Variants in COL5A1 observed in about 807,000 individuals in gnomAD.
The protein encoded by COL5A1 is collagen type V alpha 1 chain.
COL5A1 carries 16 observed loss-of-function variants against 263.7 expected under a neutral mutation model. That is an observed-to-expected ratio of 0.06 (90% confidence interval 0.04 to 0.09). The LOEUF (loss-of-function observed/expected upper bound fraction) is 0.09, where lower values mean the gene tolerates loss of function less well. COL5A1 is among the 10% of genes least tolerant of loss of function. The probability of loss-of-function intolerance (pLI) is 1.00; values close to 1 mark genes in which losing one functional copy is unlikely to be tolerated. For synonymous variants in COL5A1, 1,012 were observed against 1,004.5 expected (o/e 1.01, Z -0.14); for missense variants, 2,036 against 2,540.5 (o/e 0.80, Z 4.27).
Position 134,755,008 on chromosome 9 carries a change from C to A in COL5A1, c.1827+682C>A, listed in dbSNP as rs977844129. On this transcript the variant is annotated intron_variant, in intron 16 of 65. Coordinates refer to ENST00000371817, the MANE Select transcript of COL5A1 (RefSeq NM_000093.5). This position sits in a 1 kb window ranked among gnomAD's most constrained non-coding sequence, Gnocchi z 4.1. Reference sequence around the variant, plus strand: ...TGTTGTCTACCTAAGCTACCCTTGACTGCTATAGTCTGAGTCAACAAGGCA... The same window carrying A: ...TGTTGTCTACCTAAGCTACCCTTGAATGCTATAGTCTGAGTCAACAAGGCA... Among the ~76,000 whole-genome samples, 1 of 152,198 alleles carries A rather than the reference C, an allele frequency of 6.6e-6. No individual in the cohort carries two copies. Among genetic ancestry groups the A allele is most frequent in the Non-Finnish European group, 1.5e-5 (1 of 68,040 alleles).
At chr9:134,806,342 G>T (rs780906270) in intron 42 of COL5A1, 46 bp downstream of exon 42, 2 of 1,394,360 alleles carry the variant, frequency 1.4e-6, no homozygotes, top group African/African-American at 2.9e-5. Flanking sequence ...CAGAGATGCT[G>T]GGGTCGTTCC....
intron 1 of COL5A1, among the ~76,000 whole-genome samples, chr9:134,683,490 G>T (rs1272373068): frequency 2.0e-5 from 3 of 152,176 alleles, no homozygotes; most frequent in African/African-American, 7.2e-5. Context: ...GCATAAAGGT[G>T]GATACACCAG....
rs896611227 is a variant in COL5A1 at position 134,700,901 on chromosome 9, C to G, written c.492-270C>G. 2.0e-5 allele frequency among the ~76,000 whole-genome samples: 3 copies of G among 152,188 alleles called. No individual in the cohort carries two copies. In the East Asian group the frequency reaches 5.8e-4, roughly 29 times the overall value. ...GCCGAGTGCTGTGTGCTCCCCCTTC[C>G]CCCTTTCACTTGGGCTCCCGGCTGG... On this transcript the variant is annotated intron_variant, in intron 3 of 65. Transcript: ENST00000371817. The surrounding 1 kb of genome is among the most constrained non-coding windows in gnomAD (Gnocchi z 4.0).
At chr9:134,828,480 G>A (rs187039011) in intron 63 of COL5A1, among the ~76,000 whole-genome samples, 115 of 149,072 alleles carry the variant, frequency 7.7e-4, no homozygotes, top group African/African-American at 2.5e-3. Flanking sequence ...CACACCACAC[G>A]CACAGATACA....
Position 134,696,832 on chromosome 9 carries a change from A to T in COL5A1, c.278-3077A>T, listed in dbSNP as rs2132562821. On this transcript the variant is annotated intron_variant, in intron 2 of 65. Coordinates refer to ENST00000371817, the MANE Select transcript of COL5A1 (RefSeq NM_000093.5). This position sits in a 1 kb window ranked among gnomAD's most constrained non-coding sequence, Gnocchi z 4.3. ...ACACCTGTAATCCCAGCACTTTGGG[A>T]GGCCAAGGCAGGCGGATCACGAGGT... Among the ~76,000 whole-genome samples, 1 of 152,254 alleles carries T rather than the reference A, an allele frequency of 6.6e-6. No individual in the cohort carries two copies. The highest frequency in any genetic ancestry group is 2.1e-4 in the South Asian group (1 of 4,820).
chr9:134,762,125 G>A (rs1051789426), intron 19 of COL5A1, 147 bp downstream of exon 19: 2 of 809,738 alleles, frequency 2.5e-6, no homozygotes, highest in Non-Finnish European at 4.2e-6. Flanking sequence ...GGGGATTCCA[G>A]TGGGCAAAGC....
intron 39 of COL5A1, 59 bp downstream of exon 39, chr9:134,803,054 C>T: frequency 5.0e-6 from 7 of 1,410,422 alleles, no homozygotes; most frequent in Non-Finnish European, 6.9e-6. Context: ...CATTTTGGGA[C>T]TTTGTGTTTT....
At position 134,662,102 on chromosome 9, in the gene COL5A1, C is replaced by G. The variant is rs933865891; in HGVS notation, c.109+19806C>G. Among the ~76,000 whole-genome samples, 5 of 149,154 alleles carry G rather than the reference C, an allele frequency of 3.4e-5. No individual in the cohort carries two copies. In the Admixed American group the frequency reaches 3.4e-4, roughly 10 times the overall value. ...GAAATTACTGGGCTCTAAGTATGTG[C>G]CTTTCTCCATAAAATGTGATGCCTG... On this transcript the variant is annotated intron_variant, in intron 1 of 65. Coordinates refer to ENST00000371817, the MANE Select transcript of COL5A1 (RefSeq NM_000093.5).
chr9:134,687,672 G>T (rs1473492991), intron 1 of COL5A1, among the ~76,000 whole-genome samples: 1 of 152,214 alleles, frequency 6.6e-6, no homozygotes, highest in African/African-American at 2.4e-5. Flanking sequence ...TAGGCACCGG[G>T]CTGGGTGTGG....
chr9:134,677,117 T>A lies in COL5A1; in HGVS notation c.110-13795T>A, dbSNP rs1832705693. ...AGGGACACCAGGAAGCGGCGGTCCA[T>A]CCCCTCGTGATTGGTGGCAGGGCCT... is the stretch of plus-strand genomic sequence containing the variant. On this transcript the variant is annotated intron_variant, in intron 1 of 65. Transcript: ENST00000371817. This position sits in a 1 kb window ranked among gnomAD's most constrained non-coding sequence, Gnocchi z 4.4. Among the ~76,000 whole-genome samples the A allele has an allele frequency of 6.6e-6, 1 of 152,164 alleles. No homozygotes were observed. Among genetic ancestry groups the A allele is most frequent in the South Asian group, 2.1e-4 (1 of 4,826 alleles).
intron 25 of COL5A1, among the ~76,000 whole-genome samples, chr9:134,769,100 T>A (rs1052243154): frequency 2.6e-5 from 4 of 152,256 alleles, no homozygotes; most frequent in African/African-American, 9.6e-5. Context: ...GTTTTGGTTT[T>A]GATTATTCCG....
intron 4 of COL5A1, among the ~76,000 whole-genome samples, chr9:134,715,449 A>G (rs1834226812): frequency 6.6e-6 from 1 of 152,082 alleles, no homozygotes; most frequent in African/African-American, 2.4e-5. Context: ...CTCTTTTACT[A>G]ATCCTCCTCA....
Position 134,752,570 on chromosome 9 carries a change from G to A in COL5A1, c.1663-19G>A, listed in dbSNP as rs759700151. The A allele has an allele frequency of 6.2e-7, 1 of 1,608,482 alleles. No homozygotes were observed. Among genetic ancestry groups the A allele is most frequent in the African/African-American group, 1.3e-5 (1 of 74,926 alleles). On this transcript the variant is annotated intron_variant, in intron 13 of 65. Transcript: ENST00000371817. ...TGCTGCTGGGGCCCTGTCTCAGCGTGTCTCACTTTCCTTTGCAGTTGGCAC... is the reference window on the plus strand; with the variant it reads ...TGCTGCTGGGGCCCTGTCTCAGCGTATCTCACTTTCCTTTGCAGTTGGCAC...
intron 4 of COL5A1, among the ~76,000 whole-genome samples, chr9:134,713,559 A>C (rs1392522023): frequency 2.0e-5 from 3 of 152,232 alleles, no homozygotes; most frequent in African/African-American, 7.2e-5. Context: ...GAGAAAATGA[A>C]ATTCAATCAG....
intron 29 of COL5A1, among the ~76,000 whole-genome samples, chr9:134,783,747 G>C (rs1248780763): frequency 1.3e-5 from 2 of 152,318 alleles, no homozygotes; most frequent in East Asian, 3.9e-4. Flanking sequence ...CACCTCTGTG[G>C]GAAGGAAGGG....
chr9:134,692,276 C>T (rs887696038), intron 2 of COL5A1, among the ~76,000 whole-genome samples: 4 of 152,184 alleles, frequency 2.6e-5, no homozygotes, highest in African/African-American at 9.7e-5. Flanking sequence ...CCAGAGTGGC[C>T]CTGGGCTGTG....
chr9:134,815,261 G>T (rs925420262), intron 50 of COL5A1, among the ~76,000 whole-genome samples: 22 of 152,348 alleles, frequency 1.4e-4, no homozygotes, highest in African/African-American at 5.3e-4. Flanking sequence ...AAGTCTGAAG[G>T]TCCAGGTTCT....
chr9:134,713,767 G>A (rs1834151931), intron 4 of COL5A1, among the ~76,000 whole-genome samples: 1 of 152,220 alleles, frequency 6.6e-6, no homozygotes, highest in African/African-American at 2.4e-5. Context: ...AGAGGGCAGG[G>A]TGATCTCAGG....
At chr9:134,731,011 A>G (rs922630292) in intron 7 of COL5A1, among the ~76,000 whole-genome samples, 1 of 152,222 alleles carries the variant, frequency 6.6e-6, no homozygotes. Context: ...CCTTTCCAAC[A>G]TGGCACTGAC....
Sources: allele counts gnomAD v4.1 joint callset (sites outside exome capture counted in the v4.1 genomes callset), GRCh38; gene constraint gnomAD v4.1.1; non-coding constraint Gnocchi (gnomAD v3.1); transcripts MANE v1.5; gene names NCBI Gene and HGNC (gene_info 2026-07-23, HGNC 2026-07-21).